ROBO1: variants seen among roughly 807,000 people sequenced by gnomAD.
The protein encoded by ROBO1 is roundabout guidance receptor 1.
In ROBO1, 149 loss-of-function variants were observed where a neutral mutation model predicts 195.9. That is an observed-to-expected ratio of 0.76 (90% CI 0.67 to 0.87). The LOEUF is 0.87. Among genes scored for constraint, ROBO1 ranks in the 40% least tolerant of loss-of-function variants. The probability of loss-of-function intolerance (pLI) is 0.00; values close to 1 mark genes in which losing one functional copy is unlikely to be tolerated. For missense variants in ROBO1, 1,933 were observed against 2,068.3 expected (o/e 0.93, Z 1.27); for synonymous variants, 816 against 733.2 (o/e 1.11, Z -1.82).
chr3:79,685,621 C>A (rs1274042609), intron 1 of ROBO1, among the ~76,000 whole-genome samples: 1 of 152,102 alleles, frequency 6.6e-6, no homozygotes, highest in Non-Finnish European at 1.5e-5. Flanking sequence ...GAGAATGGGT[C>A]TTTGGCAAGT....
intron 3 of ROBO1, among the ~76,000 whole-genome samples, chr3:78,946,276 G>C (rs535887575): frequency 6.6e-6 from 1 of 152,304 alleles, no homozygotes; most frequent in African/African-American, 2.4e-5. Flanking sequence ...CAGGGAGAAA[G>C]GTCGGGTTAC....
intron 4 of ROBO1, among the ~76,000 whole-genome samples, chr3:78,869,708 C>T (rs974811815): frequency 5.3e-5 from 8 of 152,072 alleles, no homozygotes; most frequent in Non-Finnish European, 1.0e-4. Flanking sequence ...ATACTCCTGC[C>T]TCAGCCTCCT....
At position 78,938,947 on chromosome 3, in the gene ROBO1, A is replaced by G. The variant is rs1009043016; in HGVS notation, c.173-20T>C. 6.4e-7 allele frequency: 1 copy of G among 1,564,588 alleles called. No individual in the cohort carries two copies. The highest frequency in any genetic ancestry group is 8.7e-7 in the Non-Finnish European group (1 of 1,149,498). On this transcript the variant is annotated intron_variant, in intron 3 of 30. Transcript: ENST00000464233. ...GGGAGCCTGCAGAAGAATTCACAAA[A>G]TATCTTCGTATATCACTTGAAAACA...
At chr3:78,808,996 T>G (rs2084640871) in intron 4 of ROBO1, among the ~76,000 whole-genome samples, 1 of 151,958 alleles carries the variant, frequency 6.6e-6, no homozygotes, top group Non-Finnish European at 1.5e-5. Flanking sequence ...AATTGACAAA[T>G]GGGATCTAAT....
At chr3:79,692,019 G>A (rs936983082) in intron 1 of ROBO1, among the ~76,000 whole-genome samples, 11 of 151,720 alleles carry the variant, frequency 7.3e-5, no homozygotes, top group African/African-American at 2.7e-4. Context: ...GGAAGTACAA[G>A]GTATATTTTT....
At chr3:79,289,560 C>T (rs1339292299) in intron 2 of ROBO1, among the ~76,000 whole-genome samples, 1 of 152,146 alleles carries the variant, frequency 6.6e-6, no homozygotes, top group Non-Finnish European at 1.5e-5. Flanking sequence ...GCTCCTTCCA[C>T]CTAGAGAGAT....
intron 4 of ROBO1, among the ~76,000 whole-genome samples, chr3:78,928,368 A>T (rs918147953): frequency 1.3e-5 from 2 of 152,188 alleles, no homozygotes; most frequent in African/African-American, 4.8e-5. Context: ...TTTAAGAATT[A>T]TTACCAACAT....
chr3:79,619,267 C>G (rs777964234), intron 1 of ROBO1, among the ~76,000 whole-genome samples: 1 of 152,132 alleles, frequency 6.6e-6, no homozygotes, highest in Non-Finnish European at 1.5e-5. Context: ...CTCACCACCC[C>G]CTTCTCTGTG....
At chr3:79,037,051 C>A (rs138038053) in intron 3 of ROBO1, among the ~76,000 whole-genome samples, 1 of 152,032 alleles carries the variant, frequency 6.6e-6, no homozygotes, top group East Asian at 1.9e-4. Context: ...GAAAATTAAA[C>A]CTTATGGATG....
intron 3 of ROBO1, among the ~76,000 whole-genome samples, chr3:79,008,661 A>G (rs1325943925): frequency 2.0e-5 from 3 of 151,266 alleles, no homozygotes; most frequent in Admixed American, 2.0e-4. Context: ...AGGCATGAAC[A>G]CAGCTCACTG....
At chr3:79,108,863 A>G (rs1367191347) in intron 3 of ROBO1, among the ~76,000 whole-genome samples, 1 of 151,948 alleles carries the variant, frequency 6.6e-6, no homozygotes, top group Admixed American at 6.6e-5. Context: ...AATTGAAAAC[A>G]TCTAAATTGC....
intron 2 of ROBO1, among the ~76,000 whole-genome samples, chr3:79,355,040 C>A (rs2035488444): frequency 6.6e-6 from 1 of 152,058 alleles, no homozygotes; most frequent in Non-Finnish European, 1.5e-5. Flanking sequence ...GTGGCGGGCG[C>A]CTGTAATCCC....
intron 21 of ROBO1, among the ~76,000 whole-genome samples, chr3:78,643,612 G>A (rs762949103): frequency 6.6e-6 from 1 of 152,138 alleles, no homozygotes; most frequent in Non-Finnish European, 1.5e-5. Context: ...TGTGAAGTAA[G>A]TCTGCAGAGA....
At chr3:78,870,243 C>T (rs1261600985) in intron 4 of ROBO1, among the ~76,000 whole-genome samples, 1 of 152,146 alleles carries the variant, frequency 6.6e-6, no homozygotes, top group African/African-American at 2.4e-5. Flanking sequence ...GACCCAACCC[C>T]GTCCATTTGC....
chr3:78,743,687 G>C (rs962387698), intron 5 of ROBO1, among the ~76,000 whole-genome samples: 1 of 152,104 alleles, frequency 6.6e-6, no homozygotes, highest in Non-Finnish European at 1.5e-5. Flanking sequence ...CGACAGGTGT[G>C]GGGTAGAAAG....
chr3:78,642,529 C>T (rs1460886741), intron 21 of ROBO1, among the ~76,000 whole-genome samples: 3 of 152,206 alleles, frequency 2.0e-5, no homozygotes, highest in African/African-American at 4.8e-5. Context: ...CTCCCACCAA[C>T]AGGGAATGTG....
chr3:79,477,038 C>T (rs181089919), intron 2 of ROBO1, among the ~76,000 whole-genome samples: 16 of 151,870 alleles, frequency 1.1e-4, no homozygotes, highest in African/African-American at 3.9e-4. Context: ...TGTGGCAGAA[C>T]GTCAAATTTC....
At chr3:79,672,363 A>G (rs975253692) in intron 1 of ROBO1, among the ~76,000 whole-genome samples, 1 of 151,958 alleles carries the variant, frequency 6.6e-6, no homozygotes. Flanking sequence ...AAGACAGTTA[A>G]ATTTACATTC....
At chr3:79,614,643 T>C in intron 1 of ROBO1, among the ~76,000 whole-genome samples, 1 of 152,076 alleles carries the variant, frequency 6.6e-6, no homozygotes, top group Non-Finnish European at 1.5e-5. Context: ...TAAAGATACA[T>C]TTAACAAATA....
Sources: allele counts gnomAD v4.1 joint callset (sites outside exome capture counted in the v4.1 genomes callset), GRCh38; gene constraint gnomAD v4.1.1; transcripts MANE v1.5; gene names NCBI Gene and HGNC (gene_info 2026-07-23, HGNC 2026-07-21).